The following HOOK3 variants were observed in gnomAD, a reference collection of about 807,000 sequenced individuals.
The protein encoded by HOOK3 is protein Hook homolog 3.
A neutral mutation model predicts 116.3 loss-of-function variants in HOOK3; 24 were observed. The observed-to-expected ratio is 0.21, with a 90% CI of 0.15 to 0.29. The LOEUF is 0.29. HOOK3 is among the 10% of genes least tolerant of loss of function. The probability of loss-of-function intolerance (pLI) is 1.00; values close to 1 mark genes in which losing one functional copy is unlikely to be tolerated. For missense variants in HOOK3, 632 were observed against 830.2 expected, an observed-to-expected ratio of 0.76 and a Z score of 2.93; for synonymous variants, 275 against 283.0, an observed-to-expected ratio of 0.97 and a Z score of 0.28.
At chr8:42,953,863 T>C (rs933455906) in intron 6 of HOOK3, among the ~76,000 whole-genome samples, 3 of 152,168 alleles carry the variant, frequency 2.0e-5, no homozygotes, top group Non-Finnish European at 2.9e-5. Context: ...AGTAACTTGC[T>C]CAGGTTCGCA....
intron 13 of HOOK3, among the ~76,000 whole-genome samples, chr8:42,975,757 G>C (rs1808810931): frequency 6.6e-6 from 1 of 152,212 alleles, no homozygotes; most frequent in Admixed American, 6.5e-5. Context: ...CCAGGCTGGA[G>C]TGCAGTGGCG....
chr8:43,009,064 A>G (rs1037945838), intron 18 of HOOK3, among the ~76,000 whole-genome samples: 4 of 152,060 alleles, frequency 2.6e-5, no homozygotes, highest in Admixed American at 2.6e-4. Flanking sequence ...TGAGCCCAGG[A>G]GTTCAAGACC....
intron 21 of HOOK3, among the ~76,000 whole-genome samples, chr8:43,014,962 C>T (rs922146828): frequency 4.0e-5 from 6 of 151,456 alleles, no homozygotes; most frequent in Admixed American, 2.6e-4. Flanking sequence ...CTGGCCACAA[C>T]ATGGTAAAAC....
intron 2 of HOOK3, among the ~76,000 whole-genome samples, chr8:42,909,237 CTG>C (rs1350797484): frequency 6.6e-6 from 1 of 152,152 alleles, no homozygotes; most frequent in African/African-American, 2.4e-5. Context: ...TTATGGAAAA[CTG>C]TACAAAAAGC....
At chr8:42,929,191 A>C (rs1191280614) in intron 3 of HOOK3, among the ~76,000 whole-genome samples, 1 of 152,232 alleles carries the variant, frequency 6.6e-6, no homozygotes, top group Admixed American at 6.5e-5. Flanking sequence ...CCTAGAATGA[A>C]AGAAAGCATA....
intron 7 of HOOK3, among the ~76,000 whole-genome samples, chr8:42,958,605 T>G (rs1808480533): frequency 6.7e-6 from 1 of 149,948 alleles, no homozygotes; most frequent in African/African-American, 2.4e-5. Flanking sequence ...AGTTTTTTTT[T>G]TTTTTTTTTT....
Position 43,013,098 on chromosome 8 carries a change from A to T in HOOK3, c.1887A>T (p.Glu629Asp). The T allele has an allele frequency of 6.2e-7, 1 of 1,613,632 alleles. No homozygotes were observed. The highest frequency in any genetic ancestry group is 8.5e-7 in the Non-Finnish European group (1 of 1,179,726). ...DPKQNQGAAP[E>D]IQALKNQLQE... is the part of the protein sequence containing the mutation. ...AACAGAATCAAGGAGCAGCACCAGA[A>T]ATACAAGCTCTTAAAAATCAGCTCC... The change falls in exon 20 of 22, where the codon GAA becomes GAT. Residue 629 changes from glutamate (E) to aspartate (D), a missense_variant. This residue lies in a region of HOOK3 where 483 missense variants were observed against 648.1 expected (regional missense o/e 0.75). Transcript: ENST00000307602.
At chr8:43,005,180 GCTCTCT>G (rs577303409) in intron 17 of HOOK3, among the ~76,000 whole-genome samples, 16 of 113,354 alleles carry the variant, frequency 1.4e-4, no homozygotes, top group African/African-American at 4.9e-4. Context: ...AAAATTAAGT[GCTCTCT>G]CTCTCTCTCT....
rs1157797642 is a variant in HOOK3 at position 42,964,620 on chromosome 8, G to T, written c.779+146G>T. 9 of 644,554 alleles carry T rather than the reference G, an allele frequency of 1.4e-5. No individual in the cohort carries two copies. The Admixed American group carries it at 2.7e-4, about 19-fold the overall frequency. 39.9% of individuals were successfully genotyped at this position (644,554 alleles called of 1,614,324 possible). A position where few individuals can be genotyped will look rare whatever the true frequency, so the allele number is the denominator to read the frequency against. On this transcript the variant is annotated intron_variant, in intron 9 of 21. Transcript: ENST00000307602. ...GGCGGGCTGATCACTTGAGGTCGGG[G>T]ATTCAAAATCAGCTTGGCTAACATG...
intron 11 of HOOK3, among the ~76,000 whole-genome samples, chr8:42,970,316 C>T (rs1808703422): frequency 6.6e-6 from 1 of 152,230 alleles, no homozygotes; most frequent in Admixed American, 6.5e-5. Context: ...CAATATCACA[C>T]TCATGTTTTA....
intron 13 of HOOK3, among the ~76,000 whole-genome samples, chr8:42,976,874 G>A (rs1243099854): frequency 1.3e-5 from 2 of 152,128 alleles, no homozygotes; most frequent in Non-Finnish European, 2.9e-5. Context: ...TCCAGCCTAG[G>A]GACAAAACAA....
chr8:43,018,270 G>C (rs1025017377), intron 21 of HOOK3, 88 bp from the exon 22 acceptor site: 1 of 1,270,938 alleles, frequency 7.9e-7, no homozygotes, highest in Admixed American at 2.6e-5. Flanking sequence ...ATGATACACT[G>C]TAACAAATTC....
chr8:42,994,573 T>A (rs1809228839), intron 15 of HOOK3: 1 of 219,020 alleles, frequency 4.6e-6, no homozygotes, highest in Non-Finnish European at 9.3e-6. Flanking sequence ...CACTGGTCAT[T>A]CAGGAACATA....
intron 4 of HOOK3, among the ~76,000 whole-genome samples, chr8:42,932,407 T>G (rs1216094993): frequency 1.3e-5 from 2 of 152,148 alleles, no homozygotes; most frequent in Non-Finnish European, 2.9e-5. Context: ...TGTATGGCAT[T>G]GAAGATAGTG....
In HOOK3 at chr8:43,029,096, C is replaced by G. The variant is rs1041341462; in HGVS notation, c.*10598C>G. On this transcript the variant is annotated 3_prime_UTR_variant, in exon 22 of 22. Transcript: ENST00000307602. The stretch of plus-strand genomic sequence containing the variant: ...TCTAAATACAAGAAATGACTGTACA[C>G]AAATGCTAATCAGTGATTTGGGGCC... The G allele has an allele frequency of 5.5e-6, 1 of 182,850 alleles. No individual in the cohort carries two copies. Among genetic ancestry groups the G allele is most frequent in the African/African-American group, 2.4e-5 (1 of 42,476 alleles). 11.3% of individuals were successfully genotyped at this position (182,850 alleles called of 1,614,324 possible).
At chr8:42,922,901 A>G (rs1807684871) in intron 2 of HOOK3, among the ~76,000 whole-genome samples, 1 of 152,098 alleles carries the variant, frequency 6.6e-6, no homozygotes, top group South Asian at 2.1e-4. Flanking sequence ...AAAAGAAGGA[A>G]AGAAAGTGGA....
intron 6 of HOOK3, among the ~76,000 whole-genome samples, chr8:42,953,750 A>T (rs977713427): frequency 6.6e-6 from 1 of 152,122 alleles, no homozygotes; most frequent in African/African-American, 2.4e-5. Context: ...TTAAAATGGC[A>T]ATTTTTGTTA....
chr8:42,982,554 A>G, intron 13 of HOOK3, 73 bp from the exon 14 acceptor site: 1 of 989,076 alleles, frequency 1.0e-6, no homozygotes, highest in Admixed American at 1.7e-5. Context: ...TAATGCTCAA[A>G]GTAGGGTTTC....
At chr8:42,949,230 C>A (rs137875051) in intron 5 of HOOK3, among the ~76,000 whole-genome samples, 2 of 152,268 alleles carry the variant, frequency 1.3e-5, no homozygotes, top group African/African-American at 4.8e-5. Flanking sequence ...AATTACTTTA[C>A]TCTTTTACGT....
Sources: allele counts gnomAD v4.1 joint callset (sites outside exome capture counted in the v4.1 genomes callset), GRCh38; gene constraint gnomAD v4.1.1; regional missense constraint gnomAD v4.1.1; transcripts MANE v1.5; gene names NCBI Gene and HGNC (gene_info 2026-07-23, HGNC 2026-07-21).